SRRM3: variants seen among roughly 807,000 people sequenced by gnomAD.
The protein encoded by SRRM3 is serine/arginine repetitive matrix protein 3.
A neutral mutation model predicts 66.2 loss-of-function variants in SRRM3; 27 were observed. The ratio of observed to expected loss-of-function variants is 0.41; its 90% confidence interval spans 0.30 to 0.56. SRRM3 has a LOEUF of 0.56. Ranked by LOEUF, SRRM3 falls within the 20% of genes least tolerant of loss-of-function variation. The pLI is 0.32. For synonymous variants in SRRM3, 391 were observed against 414.9 expected (o/e 0.94, Z 0.70); for missense variants, 918 against 991.9 (o/e 0.93, Z 1.00).
rs375411887 is a variant in SRRM3, at chr7:76,265,423, G to A, written c.785G>A (p.Ser262Asn). The change falls in exon 10 of 15, where the codon AGC becomes AAC. Residue 262 changes from serine (S) to asparagine (N), a missense_variant. Transcript: ENST00000611745. Reference sequence around the variant, plus strand: ...CGCCATAGCAGTGGCAGCTCCCACAGCCCCTCCCTCTCCTCCCACTACAGT... The same window carrying A: ...CGCCATAGCAGTGGCAGCTCCCACAACCCCTCCCTCTCCTCCCACTACAGT... ...SHRHSSGSSH[S>N]PSLSSHYSDS... 2.7e-4 allele frequency: 434 copies of A among 1,606,048 alleles called. 5 individuals carry two copies. The African/African-American group carries it at 5.5e-3, about 20-fold the overall frequency.
At chr7:76,242,757 T>A (rs1801340331) in intron 2 of SRRM3, among the ~76,000 whole-genome samples, 1 of 152,074 alleles carries the variant, frequency 6.6e-6, no homozygotes, top group South Asian at 2.1e-4. Flanking sequence ...GCAACCTACA[T>A]CCCTCGCATG....
rs1158441684 is a variant in SRRM3, at chr7:76,282,759, G to T, written c.1482G>T (p.Pro494=). The change falls in exon 13 of 15, where the codon CCG becomes CCT. Residue 494 remains proline (P), a synonymous_variant. Coordinates refer to ENST00000611745, the MANE Select transcript of SRRM3 (RefSeq NM_001110199.3). The part of the protein sequence containing the change: ...EGKSSSRSPG[P]HPRSWSSSRS... ...AGAGCTCGTCGCGCAGCCCCGGCCC[G>T]CACCCCCGCTCCTGGAGCTCCAGCC... 2 of 1,463,750 alleles carry T rather than the reference G, an allele frequency of 1.4e-6. No individual in the cohort carries two copies. The highest frequency in any genetic ancestry group is 1.8e-6 in the Non-Finnish European group (2 of 1,113,736). 90.7% of individuals were successfully genotyped at this position (1,463,750 alleles called of 1,614,324 possible). A position where few individuals can be genotyped will look rare whatever the true frequency, so the allele number is the denominator to read the frequency against.
At chr7:76,213,500 G>A (rs1321928735) in intron 1 of SRRM3, among the ~76,000 whole-genome samples, 2 of 152,178 alleles carry the variant, frequency 1.3e-5, no homozygotes, top group African/African-American at 2.4e-5. Flanking sequence ...GACCCACAGA[G>A]GTTGCACCAA....
chr7:76,267,183 A>G, intron 10 of SRRM3, 75 bp from the exon 11 acceptor site: 2 of 1,325,648 alleles, frequency 1.5e-6, no homozygotes, highest in Non-Finnish European at 9.9e-7. Flanking sequence ...GGGAAGGGGG[A>G]AAGAGGAGGC....
chr7:76,283,433 T>C (rs1554612308), intron 14 of SRRM3: 1 of 503,712 alleles, frequency 2.0e-6, no homozygotes, highest in African/African-American at 1.9e-5. Flanking sequence ...AATTCAGCTC[T>C]GCAAGAGTCC....
chr7:76,231,345 C>A (rs1291605147), intron 1 of SRRM3, among the ~76,000 whole-genome samples: 4 of 152,216 alleles, frequency 2.6e-5, no homozygotes, highest in Non-Finnish European at 5.9e-5. Context: ...ATCATTTCTG[C>A]AACGATTACC....
At chr7:76,208,069 A>T (rs1160259135) in intron 1 of SRRM3, among the ~76,000 whole-genome samples, 1 of 152,180 alleles carries the variant, frequency 6.6e-6, no homozygotes, top group Non-Finnish European at 1.5e-5. Flanking sequence ...GGCCTGGGAT[A>T]GGTCAGACAG....
chr7:76,226,193 A>G (rs11770797), intron 1 of SRRM3, among the ~76,000 whole-genome samples: 30,481 of 152,176 alleles, frequency 0.2, 3,393 homozygotes, highest in East Asian at 0.44. Context: ...TTCACCTTCA[A>G]TTAATCACTT....
intron 1 of SRRM3, among the ~76,000 whole-genome samples, chr7:76,231,055 A>G (rs1801003159): frequency 6.6e-6 from 1 of 152,082 alleles, no homozygotes; most frequent in African/African-American, 2.4e-5. Context: ...CCAGCCTCAC[A>G]ATGATTTCAT....
At chr7:76,249,954 A>G (rs1554606694) in intron 3 of SRRM3, among the ~76,000 whole-genome samples, 1 of 152,142 alleles carries the variant, frequency 6.6e-6, no homozygotes, top group Non-Finnish European at 1.5e-5. Context: ...GGAGTTAATT[A>G]TATTCATTCA....
chr7:76,210,714 G>A (rs930298895), intron 1 of SRRM3, among the ~76,000 whole-genome samples: 1 of 152,036 alleles, frequency 6.6e-6, no homozygotes, highest in African/African-American at 2.4e-5. Context: ...CCTGTAAATA[G>A]CCCCTGCACT....
At chr7:76,227,772 G>C (rs908234392) in intron 1 of SRRM3, among the ~76,000 whole-genome samples, 1 of 152,230 alleles carries the variant, frequency 6.6e-6, no homozygotes, top group Admixed American at 6.5e-5. Context: ...AGTGTTTGTT[G>C]AGTGAATGCT....
intron 10 of SRRM3, 91 bp from the exon 11 acceptor site, chr7:76,267,167 G>T: frequency 3.3e-6 from 4 of 1,214,380 alleles, no homozygotes; most frequent in South Asian, 1.8e-5. Flanking sequence ...CTCTTTCCCC[G>T]TGCTGGGGAA....
chr7:76,244,478 T>C (rs1347194467), intron 2 of SRRM3, among the ~76,000 whole-genome samples: 2 of 149,036 alleles, frequency 1.3e-5, no homozygotes, highest in African/African-American at 5.0e-5. Flanking sequence ...GAGCCGAGAT[T>C]GTGCCACTGC....
chr7:76,261,028 G>C (rs1583920354), intron 6 of SRRM3, 125 bp downstream of exon 6: 1 of 1,070,050 alleles, frequency 9.3e-7, no homozygotes, highest in Non-Finnish European at 1.3e-6. Flanking sequence ...CACTGCCAAG[G>C]TGCAAGTTTT....
intron 14 of SRRM3, chr7:76,283,939 C>G: frequency 1.7e-6 from 1 of 600,112 alleles, no homozygotes; most frequent in Non-Finnish European, 2.1e-6. Context: ...AACTCTGCCA[C>G]TGCCTTGCTG....
Position 76,235,092 on chromosome 7 carries a change from C to T in SRRM3, c.26C>T (p.Ala9Val). Reference sequence around the variant, plus strand: ...ATGTCCTCCACCGTGAACAACGGGGCGGCCAGCATGCAGTCCACACCCGAC... The same window carrying T: ...ATGTCCTCCACCGTGAACAACGGGGTGGCCAGCATGCAGTCCACACCCGAC... MSSTVNNG[A>V]ASMQSTPDAA... Residue 9 changes from alanine (A) to valine (V), a missense_variant, in exon 2 of 15, where the codon GCG (alanine) becomes GTG (valine). Physicochemically the swap from Ala to Val is moderately conservative, Grantham distance 64 (BLOSUM62 0). Transcript: ENST00000611745. 6.3e-7 allele frequency: 1 copy of T among 1,584,312 alleles called. No individual in the cohort carries two copies. Among genetic ancestry groups the T allele is most frequent in the Non-Finnish European group, 8.5e-7 (1 of 1,170,238 alleles).
chr7:76,237,359 T>C (rs1554605076), intron 2 of SRRM3, among the ~76,000 whole-genome samples: 1 of 152,060 alleles, frequency 6.6e-6, no homozygotes, highest in East Asian at 1.9e-4. Context: ...TGAGCTGAGA[T>C]TGTGCCACTG....
Position 76,283,061 on chromosome 7 carries a change from C to T in SRRM3, c.1693C>T (p.Arg565Trp). The change falls in exon 14 of 15, where the codon CGG becomes TGG. Residue 565 changes from arginine to tryptophan, a missense_variant. Arg to Trp is a moderately radical substitution (Grantham distance 101). Transcript: ENST00000611745. Reference sequence around the variant, plus strand: ...CTACTCGCCCATCCGCAAGCGGCGCCGGGACTCGCCAAGCTTCATGGAGCC... The same window carrying T: ...CTACTCGCCCATCCGCAAGCGGCGCTGGGACTCGCCAAGCTTCATGGAGCC... ...RSYSPIRKRR[R>W]DSPSFMEPRR... The T allele has an allele frequency of 6.7e-7, 1 of 1,484,232 alleles. No individual in the cohort carries two copies. Among genetic ancestry groups the T allele is most frequent in the Non-Finnish European group, 8.9e-7 (1 of 1,128,622 alleles). 91.9% of individuals were successfully genotyped at this position (1,484,232 alleles called of 1,614,324 possible).
Sources: allele counts gnomAD v4.1 joint callset (sites outside exome capture counted in the v4.1 genomes callset), GRCh38; gene constraint gnomAD v4.1.1; transcripts MANE v1.5; gene names NCBI Gene and HGNC (gene_info 2026-07-23, HGNC 2026-07-21).